Variants in WIF1 observed in about 807,000 individuals in gnomAD.
WIF1 encodes Wnt inhibitory factor 1.
WIF1 carries 35 observed loss-of-function variants against 53.5 expected under a neutral mutation model. The observed-to-expected ratio is 0.65, with a 90% confidence interval of 0.50 to 0.87. The LOEUF (loss-of-function observed/expected upper bound fraction) is 0.87. WIF1 is among the 40% of genes least tolerant of loss of function. The pLI is 0.00. For missense variants in WIF1, 467 were observed against 476.8 expected, an observed-to-expected ratio of 0.98 and a Z score of 0.19; for synonymous variants, 171 against 170.4, an observed-to-expected ratio of 1.00 and a Z score of -0.03.
chr12:65,113,008 G>T (rs1443089134), intron 2 of WIF1, among the ~76,000 whole-genome samples: 1 of 152,146 alleles, frequency 6.6e-6, no homozygotes, highest in Non-Finnish European at 1.5e-5. Context: ...TTGTTTTCTA[G>T]AGTACAAGCT....
At chr12:65,102,739 T>C (rs1883300575) in intron 2 of WIF1, among the ~76,000 whole-genome samples, 1 of 152,208 alleles carries the variant, frequency 6.6e-6, no homozygotes, top group Non-Finnish European at 1.5e-5. Flanking sequence ...CACTCATTCC[T>C]AGGCTCATAC....
chr12:65,075,944 C>G (rs1024810000), intron 3 of WIF1, among the ~76,000 whole-genome samples: 18 of 152,224 alleles, frequency 1.2e-4, no homozygotes, highest in African/African-American at 4.1e-4. Context: ...TTTTCATGGT[C>G]TAATAGATAC....
chr12:65,112,379 AT>A (rs889477873), intron 2 of WIF1, among the ~76,000 whole-genome samples: 1 of 144,498 alleles, frequency 6.9e-6, no homozygotes, highest in Non-Finnish European at 1.5e-5. Context: ...TACAAAAAGA[AT>A]TTTTTTACAG....
chr12:65,068,532 T>C (rs1436909855), intron 4 of WIF1, among the ~76,000 whole-genome samples: 1 of 152,024 alleles, frequency 6.6e-6, no homozygotes, highest in Non-Finnish European at 1.5e-5. Context: ...TTCCTATTCC[T>C]AATATTAAAA....
intron 5 of WIF1, among the ~76,000 whole-genome samples, chr12:65,067,193 T>C (rs1217545527): frequency 6.6e-6 from 1 of 152,172 alleles, no homozygotes; most frequent in East Asian, 1.9e-4. Context: ...AATATTTTGC[T>C]TACTGTAGTC....
chr12:65,118,904 G>A (rs1034618852), intron 2 of WIF1, among the ~76,000 whole-genome samples: 13 of 152,118 alleles, frequency 8.5e-5, no homozygotes, highest in African/African-American at 3.1e-4. Flanking sequence ...GCACGAGAGA[G>A]CTATTGGCAC....
chr12:65,073,931 G>A (rs992200951), intron 3 of WIF1, among the ~76,000 whole-genome samples: 2 of 152,138 alleles, frequency 1.3e-5, no homozygotes, highest in African/African-American at 4.8e-5. Flanking sequence ...GTGCGAGTCT[G>A]TGTGCACACA....
chr12:65,117,162 G>A (rs1342507297), intron 2 of WIF1, among the ~76,000 whole-genome samples: 1 of 151,900 alleles, frequency 6.6e-6, no homozygotes, highest in Non-Finnish European at 1.5e-5. Context: ...GCATGATGAG[G>A]AACACTCTTG....
intron 2 of WIF1, among the ~76,000 whole-genome samples, chr12:65,090,677 G>A (rs56394725): frequency 0.03 from 4,598 of 152,200 alleles, 231 homozygotes; most frequent in African/African-American, 0.11. Flanking sequence ...GATCAGTTGC[G>A]TAAGCTCTGG....
chr12:65,073,641 TG>T (rs1882815808), intron 3 of WIF1, among the ~76,000 whole-genome samples: 1 of 152,094 alleles, frequency 6.6e-6, no homozygotes, highest in Non-Finnish European at 1.5e-5. Context: ...TTTAGCAGCT[TG>T]GGGGTATAAA....
At chr12:65,088,387 A>G (rs766390855) in intron 2 of WIF1, among the ~76,000 whole-genome samples, 74 of 152,226 alleles carry the variant, frequency 4.9e-4, no homozygotes, top group Non-Finnish European at 9.9e-4. Context: ...GTTCCTTTCC[A>G]TATCCTCTGA....
intron 2 of WIF1, chr12:65,095,936 A>G (rs541116541): frequency 8.7e-4 from 133 of 152,324 alleles, no homozygotes; most frequent in African/African-American, 3.1e-3. Context: ...CCTAAGCAAT[A>G]CCATTCAGGA....
intron 2 of WIF1, among the ~76,000 whole-genome samples, chr12:65,112,957 C>G (rs1436034064): frequency 6.6e-6 from 1 of 152,204 alleles, no homozygotes; most frequent in African/African-American, 2.4e-5. Flanking sequence ...CCCAGCCAAT[C>G]CTGTACTTCC....
chr12:65,081,740 A>G (rs985313702), intron 2 of WIF1, among the ~76,000 whole-genome samples: 11 of 152,138 alleles, frequency 7.2e-5, no homozygotes, highest in Non-Finnish European at 2.9e-5. Context: ...CTAATGGTGC[A>G]TGAATCTCTG....
chr12:65,074,643 C>T (rs1043050178), intron 3 of WIF1, among the ~76,000 whole-genome samples: 8 of 151,432 alleles, frequency 5.3e-5, no homozygotes, highest in African/African-American at 1.9e-4. Flanking sequence ...CATGGTGAAA[C>T]TGCATGTCTA....
chr12:65,089,614 C>T (rs947017972), intron 2 of WIF1, among the ~76,000 whole-genome samples: 10 of 152,128 alleles, frequency 6.6e-5, no homozygotes, highest in African/African-American at 2.4e-4. Context: ...GGTCTTTGAT[C>T]TGGCCATATC....
chr12:65,069,548 T>C (rs1882741751), intron 3 of WIF1, among the ~76,000 whole-genome samples: 1 of 152,182 alleles, frequency 6.6e-6, no homozygotes, highest in Non-Finnish European at 1.5e-5. Flanking sequence ...TAATAAGAAG[T>C]GTCCATATCT....
intron 9 of WIF1, among the ~76,000 whole-genome samples, chr12:65,054,329 GTGT>G (rs1882491864): frequency 6.6e-6 from 1 of 152,168 alleles, no homozygotes; most frequent in Admixed American, 6.5e-5. Flanking sequence ...TGCTGAAACT[GTGT>G]TGTTTTGTTA....
chr12:65,101,763 A>T lies in WIF1; in HGVS notation c.288+18654T>A, dbSNP rs376296262. Among the ~76,000 whole-genome samples the T allele has an allele frequency of 3.1e-4, 47 of 152,322 alleles. No individual in the cohort carries two copies. The East Asian group carries it at 3.9e-3, about 13-fold the overall frequency. Reference sequence around the variant, plus strand: ...AGGACAAAAGTGAAATACTTGTCTGAGGGCTCAGATAGCTGGTGTGGGAGC... The same window carrying T: ...AGGACAAAAGTGAAATACTTGTCTGTGGGCTCAGATAGCTGGTGTGGGAGC... On this transcript the variant is annotated intron_variant, in intron 2 of 9. Coordinates refer to ENST00000286574, the MANE Select transcript of WIF1 (RefSeq NM_007191.5).
Sources: gnomAD v4.1 joint callset for allele counts (sites outside exome capture counted in the v4.1 genomes callset) on GRCh38, gnomAD v4.1.1 for gene constraint, MANE v1.5 for transcripts, NCBI Gene and HGNC (gene_info 2026-07-23, HGNC 2026-07-21) for gene names.